Variants in NXN observed in about 807,000 individuals in gnomAD.
NXN encodes the protein nucleoredoxin 1.
Under a neutral mutation model 48.6 loss-of-function variants are expected in NXN, and 16 were observed. The observed-to-expected ratio is 0.33, with a 90% CI of 0.22 to 0.50. The LOEUF (loss-of-function observed/expected upper bound fraction) is 0.50. NXN is among the 20% of genes least tolerant of loss of function. NXN has a pLI of 0.98. For synonymous variants in NXN, 281 were observed against 269.6 expected, an observed-to-expected ratio of 1.04 and a Z score of -0.41; for missense variants, 492 against 605.5, an observed-to-expected ratio of 0.81 and a Z score of 1.97.
intron 1 of NXN, among the ~76,000 whole-genome samples, chr17:963,533 C>T (rs1303082048): frequency 6.6e-6 from 1 of 151,988 alleles, no homozygotes; most frequent in Non-Finnish European, 1.5e-5. Flanking sequence ...AACCAGGTGG[C>T]GGAGGTTGCA....
At chr17:816,118 C>T (rs2144622016) in intron 5 of NXN, among the ~76,000 whole-genome samples, 1 of 152,298 alleles carries the variant, frequency 6.6e-6, no homozygotes, top group East Asian at 1.9e-4. Context: ...AGCTGACTAG[C>T]ATCTCACCTG....
At chr17:812,752 G>C (rs549900269) in intron 5 of NXN, among the ~76,000 whole-genome samples, 1 of 147,530 alleles carries the variant, frequency 6.8e-6, no homozygotes, top group Admixed American at 6.8e-5. Flanking sequence ...GTGAGTGAGA[G>C]TGTGCATATG....
In NXN at chr17:906,586, TGA is replaced by T. The variant is rs147693736; in HGVS notation, c.360+72731_360+72732del. The stretch of plus-strand genomic sequence containing the variant: ...TTGGTTTCTGGGTTTTTTTTTTTTT[TGA>T]GACAGTCTCACTCTGTCACCCAGGC... On this transcript the variant is annotated intron_variant, in intron 1 of 7. Coordinates refer to ENST00000336868, the MANE Select transcript of NXN (RefSeq NM_022463.5). Among the ~76,000 whole-genome samples the T allele has an allele frequency of 5.6e-5, 7 of 125,906 alleles. No individual in the cohort carries two copies. The East Asian group carries it at 1.8e-3, about 33-fold the overall frequency. The allele number at this position is 125,906 out of a possible 152,430, so 82.6% of individuals were successfully genotyped here. A position where few individuals can be genotyped will look rare whatever the true frequency, so the allele number is the denominator to read the frequency against.
chr17:809,994 GTACGT>G lies in NXN; in HGVS notation c.821-4752_821-4748del. Among the ~76,000 whole-genome samples the G allele has an allele frequency of 2.0e-5, 3 of 147,146 alleles. No homozygotes were observed. In the Admixed American group the frequency reaches 2.0e-4, roughly 10 times the overall value. On this transcript the variant is annotated intron_variant, in intron 5 of 7. Coordinates refer to ENST00000336868, the MANE Select transcript of NXN (RefSeq NM_022463.5). ...TACGTTACGAGTCTGTGAGTGGCGT[GTACGT>G]TACGAGTCTGTGAGTGGCGTGCACG...
At chr17:937,964 G>A (rs1281454744) in intron 1 of NXN, among the ~76,000 whole-genome samples, 1 of 152,248 alleles carries the variant, frequency 6.6e-6, no homozygotes, top group Non-Finnish European at 1.5e-5. Context: ...GAGCCACGGG[G>A]CGCAGGGGCC....
At chr17:944,020 C>CT (rs2069013858) in intron 1 of NXN, among the ~76,000 whole-genome samples, 1 of 151,782 alleles carries the variant, frequency 6.6e-6, no homozygotes, top group Non-Finnish European at 1.5e-5. Context: ...GGTGGATCAC[C>CT]TGAGGTCAGG....
chr17:918,654 G>T (rs915361811), intron 1 of NXN, among the ~76,000 whole-genome samples: 1 of 151,918 alleles, frequency 6.6e-6, no homozygotes, highest in African/African-American at 2.4e-5. Flanking sequence ...TTATCCAGGC[G>T]CGGTGGTGGG....
chr17:943,010 A>C (rs1432366553), intron 1 of NXN, among the ~76,000 whole-genome samples: 1 of 141,960 alleles, frequency 7.0e-6, no homozygotes. Flanking sequence ...TCCTGGATTT[A>C]CAGTGAACAA....
chr17:852,511 A>G (rs1236179202), intron 1 of NXN, among the ~76,000 whole-genome samples: 1 of 152,176 alleles, frequency 6.6e-6, no homozygotes, highest in African/African-American at 2.4e-5. Flanking sequence ...GACGTCCAGA[A>G]AATTTCAGGG....
chr17:895,486 T>TA (rs1346519501), intron 1 of NXN, among the ~76,000 whole-genome samples: 2 of 152,080 alleles, frequency 1.3e-5, no homozygotes, highest in African/African-American at 4.8e-5. Flanking sequence ...AGCAACCTTC[T>TA]AAAGCTGCTA....
chr17:824,036 ATTT>A (rs11345667), intron 2 of NXN, among the ~76,000 whole-genome samples: 19,108 of 116,662 alleles, frequency 0.16, 1,362 homozygotes, highest in South Asian at 0.18. Flanking sequence ...TTCCAGGGAC[ATTT>A]TTTTTTTTTT....
intron 1 of NXN, chr17:929,943 T>A (rs1005545379): frequency 1.4e-5 from 2 of 145,912 alleles, no homozygotes; most frequent in Non-Finnish European, 1.5e-5. Context: ...TGGTAACACA[T>A]CTAACTGGTA....
At chr17:976,670 C>A (rs189354625) in intron 1 of NXN, among the ~76,000 whole-genome samples, 2 of 152,200 alleles carry the variant, frequency 1.3e-5, no homozygotes, top group African/African-American at 4.8e-5. Flanking sequence ...CATTAGCTCA[C>A]GGGCTTCTAA....
intron 1 of NXN, among the ~76,000 whole-genome samples, chr17:960,701 C>T (rs973358301): frequency 6.6e-6 from 1 of 152,054 alleles, no homozygotes; most frequent in Non-Finnish European, 1.5e-5. Flanking sequence ...TGGCCTCAAA[C>T]TCCTGGGCTC....
intron 1 of NXN, among the ~76,000 whole-genome samples, chr17:909,184 C>G (rs1295694224): frequency 6.7e-6 from 1 of 149,032 alleles, no homozygotes; most frequent in Non-Finnish European, 1.5e-5. Context: ...TCAAAATCTT[C>G]TTTTAAGTGA....
chr17:818,866 C>A lies in NXN; in HGVS notation c.820+573G>T, dbSNP rs1223080452. Among the ~76,000 whole-genome samples the A allele has an allele frequency of 7.3e-5, 11 of 149,760 alleles. No individual in the cohort carries two copies. The East Asian group carries it at 2.1e-3, about 29-fold the overall frequency. ...CACCACTGCACTCCAGCCTGGGCAA[C>A]AGAGTGAGACTCCGTCTCAAAAAAA... On this transcript the variant is annotated intron_variant, in intron 5 of 7. Coordinates refer to ENST00000336868, the MANE Select transcript of NXN (RefSeq NM_022463.5).
chr17:801,869 G>A (rs980414054), intron 7 of NXN, among the ~76,000 whole-genome samples: 9 of 152,216 alleles, frequency 5.9e-5, no homozygotes, highest in Non-Finnish European at 1.2e-4. Context: ...GAGACAGCTC[G>A]CTGTGTTCCA....
At chr17:811,730 C>T (rs1912023306) in intron 5 of NXN, among the ~76,000 whole-genome samples, 1 of 152,094 alleles carries the variant, frequency 6.6e-6, no homozygotes, top group African/African-American at 2.4e-5. Context: ...AAGACCACGG[C>T]AGAGGCCGCC....
chr17:822,258 G>C (rs1912857647), intron 4 of NXN, 99 bp downstream of exon 4: 1 of 826,160 alleles, frequency 1.2e-6, no homozygotes. Context: ...CAGCCTGGGA[G>C]ACAAGAGCAA....
Sources: gnomAD v4.1 joint callset for allele counts (sites outside exome capture counted in the v4.1 genomes callset) on GRCh38, gnomAD v4.1.1 for gene constraint, MANE v1.5 for transcripts, NCBI Gene and HGNC (gene_info 2026-07-23, HGNC 2026-07-21) for gene names.